The following BLTP3B variants were observed in gnomAD, a reference collection of about 807,000 sequenced individuals.
The protein encoded by BLTP3B is bridge-like lipid transfer protein family member 3B, also known as UHRF1 (ICBP90) binding protein 1-like.
chr12:100,130,810 G>A, the BLTP3B span, among the ~76,000 whole-genome samples: 1 of 152,084 alleles, frequency 6.6e-6, no homozygotes, highest in African/African-American at 2.4e-5. Flanking sequence ...TGTAATCCCA[G>A]CTACTTGAGA....
At chr12:100,130,982 G>GGGGAGAGAGAGAGAGA in the BLTP3B span, among the ~76,000 whole-genome samples, 1 of 62,238 alleles carries the variant, frequency 1.6e-5, no homozygotes, top group Non-Finnish European at 2.9e-5. Context: ...AGAGAGGGAG[G>GGGGAGAGAGAGAGAGA]GAGAGAGAGA....
the BLTP3B span, chr12:100,097,298 C>T: frequency 6.7e-7 from 1 of 1,502,372 alleles, no homozygotes; most frequent in Non-Finnish European, 9.0e-7. Context: ...TAATAGTTAA[C>T]ACACAAATCA....
chr12:100,037,772 C>CG, the BLTP3B span: 21 of 1,570,602 alleles, frequency 1.3e-5, no homozygotes, highest in South Asian at 1.4e-4. Context: ...TGATAAATGG[C>CG]GGGGGGATAA....
chr12:100,050,760 T>C, the BLTP3B span, among the ~76,000 whole-genome samples: 317 of 152,076 alleles, frequency 2.1e-3, 1 homozygote, highest in African/African-American at 7.3e-3. Context: ...TGCAGTGGGC[T>C]ATGGATACAT....
the BLTP3B span, among the ~76,000 whole-genome samples, chr12:100,134,373 A>C: frequency 1.3e-5 from 2 of 152,192 alleles, no homozygotes; most frequent in African/African-American, 4.8e-5. Flanking sequence ...TGGGAAGCTG[A>C]GGCAGGTGGA....
chr12:100,115,602 T>C, the BLTP3B span, among the ~76,000 whole-genome samples: 2 of 151,866 alleles, frequency 1.3e-5, no homozygotes, highest in African/African-American at 4.8e-5. Flanking sequence ...AGACCTTGTC[T>C]CTACAAAAAA....
At chr12:100,072,767 C>T in the BLTP3B span, 12 of 1,605,366 alleles carry the variant, frequency 7.5e-6, no homozygotes, top group Non-Finnish European at 1.0e-5. Context: ...TTTATTGCAG[C>T]AAATCATGCT....
chr12:100,062,827 G>A, the BLTP3B span, among the ~76,000 whole-genome samples: 1 of 152,040 alleles, frequency 6.6e-6, no homozygotes, highest in African/African-American at 2.4e-5. Context: ...TGGACATGAT[G>A]GCTCATGCCT....
At chr12:100,060,928 T>C in the BLTP3B span, among the ~76,000 whole-genome samples, 1 of 152,224 alleles carries the variant, frequency 6.6e-6, no homozygotes, top group African/African-American at 2.4e-5. Flanking sequence ...ATGTCCTGAA[T>C]ATGGTTTATT....
chr12:100,100,390 A>T, the BLTP3B span, among the ~76,000 whole-genome samples: 19 of 152,002 alleles, frequency 1.2e-4, no homozygotes, highest in South Asian at 2.1e-4. Context: ...CTGCAAAAAA[A>T]TTTTTTTAAT....
the BLTP3B span, among the ~76,000 whole-genome samples, chr12:100,109,159 C>CCTCTCTCT: frequency 4.7e-4 from 31 of 65,368 alleles, no homozygotes; most frequent in East Asian, 1.7e-3. Flanking sequence ...TGGCAGTTTT[C>CCTCTCTCT]CTCTCTCTCT....
chr12:100,091,604 GC>G, the BLTP3B span, among the ~76,000 whole-genome samples: 1 of 151,628 alleles, frequency 6.6e-6, no homozygotes, highest in Non-Finnish European at 1.5e-5. Context: ...CCAGGTTCAT[GC>G]CATTCTTCTG....
the BLTP3B span, chr12:100,047,556 C>G: frequency 6.2e-7 from 1 of 1,612,462 alleles, no homozygotes; most frequent in African/African-American, 1.3e-5. Context: ...GCCATCGTCA[C>G]TTCTCTCTAC....
chr12:100,088,448 G>C, the BLTP3B span, among the ~76,000 whole-genome samples: 5 of 152,178 alleles, frequency 3.3e-5, no homozygotes, highest in African/African-American at 4.8e-5. Flanking sequence ...AGGATGGGAA[G>C]AGAGGTGGCC....
At chr12:100,051,338 C>A in the BLTP3B span, 1 of 862,626 alleles carries the variant, frequency 1.2e-6, no homozygotes, top group South Asian at 2.9e-5. Context: ...AGCACTGCCT[C>A]CTTTAAAAAA....
At chr12:100,093,325 T>C in the BLTP3B span, among the ~76,000 whole-genome samples, 1 of 152,128 alleles carries the variant, frequency 6.6e-6, no homozygotes, top group Non-Finnish European at 1.5e-5. Context: ...TTCACATAAA[T>C]AGACAGATTG....
the BLTP3B span, among the ~76,000 whole-genome samples, chr12:100,039,331 C>T: frequency 1.3e-5 from 2 of 151,758 alleles, no homozygotes; most frequent in East Asian, 3.9e-4. Flanking sequence ...AGTATGTACA[C>T]TTGAATATTA....
At chr12:100,057,956 CAAAAT>C in the BLTP3B span, 19 of 1,487,426 alleles carry the variant, frequency 1.3e-5, no homozygotes, top group Non-Finnish European at 1.5e-5. Flanking sequence ...TGCCTCAAAA[CAAAAT>C]ACACTCATAG....
the BLTP3B span, among the ~76,000 whole-genome samples, chr12:100,100,483 G>A: frequency 6.6e-6 from 1 of 152,078 alleles, no homozygotes; most frequent in Non-Finnish European, 1.5e-5. Flanking sequence ...GGCAAAGGGA[G>A]GAGGATTGCT....
Sources: gnomAD v4.1 joint callset for allele counts (sites outside exome capture counted in the v4.1 genomes callset) on GRCh38, gnomAD v4.1.1 for gene constraint, MANE v1.5 for transcripts, NCBI Gene and HGNC (gene_info 2026-07-23, HGNC 2026-07-21) for gene names.